BTBD1: variants seen among roughly 807,000 people sequenced by gnomAD.
BTBD1 encodes BTB domain containing 1.
BTBD1 carries 34 observed loss-of-function variants against 48.0 expected under a neutral mutation model. The ratio of observed to expected loss-of-function variants is 0.71; its 90% CI spans 0.54 to 0.94. BTBD1 has a LOEUF of 0.94. Among genes scored for constraint, BTBD1 ranks in the 40% least tolerant of loss-of-function variants. The pLI is 0.00. For synonymous variants in BTBD1, 261 were observed against 242.1 expected (o/e 1.08, Z -0.72); for missense variants, 543 against 625.6 (o/e 0.87, Z 1.41).
At chr15:83,027,471 A>T (rs1438721136) in intron 5 of BTBD1, among the ~76,000 whole-genome samples, 3 of 152,220 alleles carry the variant, frequency 2.0e-5, no homozygotes, top group African/African-American at 7.2e-5. Context: ...AAGAGGTGCC[A>T]GAGCTGGCCT....
intron 1 of BTBD1, among the ~76,000 whole-genome samples, chr15:83,058,552 G>A (rs1292558333): frequency 1.3e-4 from 19 of 151,920 alleles, no homozygotes. Context: ...GAGGCTGCAG[G>A]GAGCGGAGAT....
rs759525371 is a variant in BTBD1, at chr15:83,030,109, C to T, written c.1055+27G>A. 18 of 1,607,024 alleles carry T rather than the reference C, an allele frequency of 1.1e-5. No homozygotes were observed. In the South Asian group the frequency reaches 1.9e-4, roughly 17 times the overall value. ...AATGGTAACTGCTACCCCCACTCTA[C>T]CCCCGCATCCCCAATATAACAGATA... On this transcript the variant is annotated intron_variant, in intron 5 of 7. Coordinates refer to ENST00000261721, the MANE Select transcript of BTBD1 (RefSeq NM_025238.4).
At chr15:83,043,176 T>C (rs932805187) in intron 3 of BTBD1, among the ~76,000 whole-genome samples, 3 of 152,128 alleles carry the variant, frequency 2.0e-5, no homozygotes, top group Non-Finnish European at 4.4e-5. Context: ...TCGGGTGGTT[T>C]AGGCAGGCTT....
At chr15:83,037,325 C>T (rs1486612819) in intron 4 of BTBD1, among the ~76,000 whole-genome samples, 2 of 152,142 alleles carry the variant, frequency 1.3e-5, no homozygotes, top group African/African-American at 4.8e-5. Context: ...AGCCCAGAAG[C>T]TCATGGCCAG....
At chr15:83,030,070 T>C (rs970844305) in intron 5 of BTBD1, 66 bp downstream of exon 5, 42 of 1,359,186 alleles carry the variant, frequency 3.1e-5, no homozygotes, top group Non-Finnish European at 4.3e-5. Context: ...TCCCATAATA[T>C]ATAAAAAAGG....
intron 3 of BTBD1, among the ~76,000 whole-genome samples, chr15:83,045,306 C>G (rs748993099): frequency 3.3e-5 from 5 of 152,020 alleles, no homozygotes; most frequent in Admixed American, 6.6e-5. Flanking sequence ...ACCACCCTGG[C>G]CAACAGGATG....
At position 83,018,824 on chromosome 15, in the gene BTBD1, C is replaced by T; in HGVS notation, c.1173G>A (p.Leu391=). ...QIIEYEKKQT[L]GQNDTGFSCD... ...AACTAAAGCCGGTATCATTCTGTCC[C>T]AGGGTTTGCTTTTTCTCATATTCAA... is the stretch of plus-strand genomic sequence containing the variant. Residue 391 remains leucine (L), a synonymous_variant, in exon 7 of 8, where the codon CTG becomes CTA. Transcript: ENST00000261721. 1 of 1,613,810 alleles carries T rather than the reference C, an allele frequency of 6.2e-7. No individual in the cohort carries two copies. Among genetic ancestry groups the T allele is most frequent in the Non-Finnish European group, 8.5e-7 (1 of 1,179,872 alleles).
intron 2 of BTBD1, among the ~76,000 whole-genome samples, chr15:83,054,563 C>CT (rs1178762435): frequency 0.27 from 35,625 of 130,410 alleles, 5,261 homozygotes; most frequent in Non-Finnish European, 0.31. Context: ...AACATTTTTT[C>CT]TTTTTTTTTT....
chr15:83,028,238 T>C (rs570274617), intron 5 of BTBD1, among the ~76,000 whole-genome samples: 1 of 152,344 alleles, frequency 6.6e-6, no homozygotes, highest in East Asian at 1.9e-4. Context: ...CTTCTAGGCC[T>C]AATCTAGTAA....
chr15:83,041,743 C>G lies in BTBD1; in HGVS notation c.847G>C (p.Glu283Gln). The change falls in exon 4 of 8, where the codon GAG becomes CAG. Residue 283 changes from glutamate to glutamine, a missense_variant. Coordinates refer to ENST00000261721, the MANE Select transcript of BTBD1 (RefSeq NM_025238.4). ...SLIRFPLMTI[E>Q]EFAAGPAQSG... ...ATACCCTTACCTGCTGCAAATTCCT[C>G]AATTGTCATCAGTGGGAACCGGATT... is the stretch of plus-strand genomic sequence containing the variant. The G allele has an allele frequency of 6.2e-7, 1 of 1,614,136 alleles. No homozygotes were observed. The highest frequency in any genetic ancestry group is 8.5e-7 in the Non-Finnish European group (1 of 1,179,998).
At chr15:83,056,599 AATCC>A (rs1441121584) in intron 1 of BTBD1, 54 bp from the exon 2 acceptor site, 1 of 1,439,854 alleles carries the variant, frequency 6.9e-7, no homozygotes, top group African/African-American at 1.4e-5. Flanking sequence ...TTAGATAAGC[AATCC>A]ATCACAGTTA....
At chr15:83,056,849 T>C (rs982712475) in intron 1 of BTBD1, among the ~76,000 whole-genome samples, 25 of 151,792 alleles carry the variant, frequency 1.6e-4, no homozygotes, top group African/African-American at 4.8e-4. Context: ...AAGTTTGCAC[T>C]ATCACACCTG....
chr15:83,031,753 T>C (rs1331230086), intron 4 of BTBD1, among the ~76,000 whole-genome samples: 1 of 151,676 alleles, frequency 6.6e-6, no homozygotes, highest in Non-Finnish European at 1.5e-5. Flanking sequence ...GTTGTGCACA[T>C]GTACCCTAGA....
chr15:83,046,415 A>G (rs1384097393), intron 3 of BTBD1, among the ~76,000 whole-genome samples: 1 of 152,208 alleles, frequency 6.6e-6, no homozygotes, highest in Non-Finnish European at 1.5e-5. Flanking sequence ...GATCAGAAAA[A>G]CACAGCAGAT....
At chr15:83,058,422 T>C (rs2033123192) in intron 1 of BTBD1, among the ~76,000 whole-genome samples, 1 of 152,210 alleles carries the variant, frequency 6.6e-6, no homozygotes, top group Non-Finnish European at 1.5e-5. Context: ...GCATGCTCAA[T>C]TCCCTTCTTA....
At chr15:83,038,279 CTAACTAAGATG>C (rs2032671218) in intron 4 of BTBD1, among the ~76,000 whole-genome samples, 1 of 152,084 alleles carries the variant, frequency 6.6e-6, no homozygotes, top group Non-Finnish European at 1.5e-5. Flanking sequence ...AGAAATACAT[CTAACTAAGATG>C]TATTTCTACC....
intron 3 of BTBD1, among the ~76,000 whole-genome samples, chr15:83,045,123 A>G (rs1365480995): frequency 1.3e-5 from 2 of 152,242 alleles, no homozygotes; most frequent in African/African-American, 4.8e-5. Context: ...TGCTATAGTT[A>G]CAGCAGAAAT....
At chr15:83,036,334 C>T (rs554236985) in intron 4 of BTBD1, among the ~76,000 whole-genome samples, 8 of 152,198 alleles carry the variant, frequency 5.3e-5, no homozygotes, top group South Asian at 4.1e-4. Flanking sequence ...ATTAATCATC[C>T]GTGATATGAA....
Position 83,066,819 on chromosome 15 carries a change from G to A in BTBD1, c.333C>T (p.Gly111=). The A allele has an allele frequency of 6.9e-7, 1 of 1,443,788 alleles. No homozygotes were observed. Among genetic ancestry groups the A allele is most frequent in the Non-Finnish European group, 9.1e-7 (1 of 1,101,636 alleles). 89.4% of individuals were successfully genotyped at this position (1,443,788 alleles called of 1,614,324 possible). A position where few individuals can be genotyped will look rare whatever the true frequency, so the allele number is the denominator to read the frequency against. The change falls in exon 1 of 8, where the codon GGC becomes GGT. Residue 111 remains glycine (G), a synonymous_variant. Transcript: ENST00000261721. ...SAVFDAMFNG[G]MATTSAEIEL... ...CGATCTCGGCCGACGTGGTGGCCAT[G>A]CCGCCGTTGAACATGGCGTCAAAGA... is the stretch of plus-strand genomic sequence containing the variant.
Sources: gnomAD v4.1 joint callset for allele counts (sites outside exome capture counted in the v4.1 genomes callset) on GRCh38, gnomAD v4.1.1 for gene constraint, MANE v1.5 for transcripts, NCBI Gene and HGNC (gene_info 2026-07-23, HGNC 2026-07-21) for gene names.